Variants in HECW1 observed in about 807,000 individuals in gnomAD.
The protein encoded by HECW1 is E3 ubiquitin-protein ligase HECW1.
In HECW1, 61 loss-of-function variants were observed where a neutral mutation model predicts 182.3. The ratio of observed to expected loss-of-function variants is 0.33; its 90% confidence interval spans 0.27 to 0.41. The LOEUF is 0.41. Ranked by LOEUF, HECW1 falls within the 10% of genes least tolerant of loss-of-function variation. The probability of loss-of-function intolerance (pLI) is 1.00; values close to 1 mark genes in which losing one functional copy is unlikely to be tolerated. For synonymous variants in HECW1, 859 were observed against 832.6 expected, an observed-to-expected ratio of 1.03 and a Z score of -0.55; for missense variants, 1,739 against 2,108.9, an observed-to-expected ratio of 0.82 and a Z score of 3.44.
Position 43,130,412 on chromosome 7 carries a change from T to C in HECW1, c.-32+16021T>C, listed in dbSNP as rs112070451. On this transcript the variant is annotated intron_variant, in intron 2 of 29. Coordinates refer to ENST00000395891, the MANE Select transcript of HECW1 (RefSeq NM_015052.5). ...TTTGATAATTTTATACATGATACAGTCTGTGTACATTGAACCGTCAGAAAG... is the reference window on the plus strand; with the variant it reads ...TTTGATAATTTTATACATGATACAGCCTGTGTACATTGAACCGTCAGAAAG... 5.6e-3 allele frequency among the ~76,000 whole-genome samples: 855 copies of C among 152,306 alleles called. 9 individuals carry two copies. The highest frequency in any genetic ancestry group is 0.019 in the African/African-American group (797 of 41,570).
intron 21 of HECW1, among the ~76,000 whole-genome samples, chr7:43,506,831 C>T (rs929407113): frequency 2.6e-5 from 4 of 152,258 alleles, no homozygotes; most frequent in African/African-American, 7.2e-5. Context: ...CTTTGGGAGG[C>T]CAAGGCGGGT....
chr7:43,222,826 G>A (rs1161932568), intron 2 of HECW1, among the ~76,000 whole-genome samples: 1 of 151,990 alleles, frequency 6.6e-6, no homozygotes, highest in Non-Finnish European at 1.5e-5. Flanking sequence ...CAGGGCTCAG[G>A]GCTGTGATCT....
At chr7:43,531,788 A>G (rs1414316631) in intron 24 of HECW1, among the ~76,000 whole-genome samples, 1 of 152,140 alleles carries the variant, frequency 6.6e-6, no homozygotes, top group African/African-American at 2.4e-5. Context: ...CTGTTCCTCC[A>G]GCCTCGCCAC....
chr7:43,205,879 G>A (rs144509442), intron 2 of HECW1, among the ~76,000 whole-genome samples: 32 of 152,250 alleles, frequency 2.1e-4, no homozygotes, highest in East Asian at 7.7e-4. Flanking sequence ...CAGTGCAGGC[G>A]GCTGGGGGCC....
chr7:43,368,656 C>T lies in HECW1; in HGVS notation c.555+7676C>T, dbSNP rs539479478. On this transcript the variant is annotated intron_variant, in intron 6 of 29. Coordinates refer to ENST00000395891, the MANE Select transcript of HECW1 (RefSeq NM_015052.5). ...AAGTTTAGATTCTATCCTAGCCCAA[C>T]ATTAAGGAATCTGTTCAGTTTGAGG... 2.0e-5 allele frequency among the ~76,000 whole-genome samples: 3 copies of T among 152,300 alleles called. No homozygotes were observed. The South Asian group carries it at 6.2e-4, about 32-fold the overall frequency.
intron 29 of HECW1, among the ~76,000 whole-genome samples, chr7:43,561,203 C>T (rs1262968423): frequency 6.6e-5 from 10 of 152,216 alleles, no homozygotes; most frequent in Non-Finnish European, 1.5e-4. Context: ...CAAGCTAGAA[C>T]CCCGGGCGCC....
intron 17 of HECW1, among the ~76,000 whole-genome samples, chr7:43,488,889 C>T (rs2078825759): frequency 6.6e-6 from 1 of 152,202 alleles, no homozygotes; most frequent in African/African-American, 2.4e-5. Context: ...TCATATTAGG[C>T]ATGAAGAATG....
chr7:43,213,135 CATG>C (rs1211360961), intron 2 of HECW1, among the ~76,000 whole-genome samples: 2 of 151,932 alleles, frequency 1.3e-5, no homozygotes, highest in Admixed American at 6.6e-5. Flanking sequence ...CCTGATAAGG[CATG>C]ATAAGTCTTT....
intron 2 of HECW1, chr7:43,147,713 G>A (rs181407389): frequency 7.0e-4 from 106 of 152,096 alleles, no homozygotes; most frequent in African/African-American, 2.5e-3. Flanking sequence ...TCCAGTAATG[G>A]CCCTTGATGG....
At position 43,424,853 on chromosome 7, in the gene HECW1, T is replaced by A. The variant is rs547246527; in HGVS notation, c.802-13150T>A. 6.6e-5 allele frequency among the ~76,000 whole-genome samples: 10 copies of A among 152,328 alleles called. No individual in the cohort carries two copies. The South Asian group carries it at 1.0e-3, about 16-fold the overall frequency. On this transcript the variant is annotated intron_variant, in intron 8 of 29. Transcript: ENST00000395891. ...AATCCCACATTTTCTGGGATTTTTT[T>A]AAAATTTTAAGCCCAGAATGGGAGC... is the stretch of plus-strand genomic sequence containing the variant.
intron 8 of HECW1, among the ~76,000 whole-genome samples, chr7:43,422,726 T>G (rs941297133): frequency 2.0e-5 from 3 of 152,170 alleles, no homozygotes; most frequent in African/African-American, 7.2e-5. Context: ...ACTGGTAGAT[T>G]GTTTACCAGA....
At chr7:43,273,250 G>A (rs1359965471) in intron 3 of HECW1, among the ~76,000 whole-genome samples, 2 of 151,982 alleles carry the variant, frequency 1.3e-5, no homozygotes, top group African/African-American at 2.4e-5. Flanking sequence ...ACAGGAACAC[G>A]TGTACCCCAA....
chr7:43,316,349 A>G (rs963128486), intron 4 of HECW1, among the ~76,000 whole-genome samples: 1 of 152,182 alleles, frequency 6.6e-6, no homozygotes, highest in African/African-American at 2.4e-5. Context: ...GCTTCAAGTT[A>G]TTATTAATGG....
chr7:43,373,177 C>T (rs2074183084), intron 6 of HECW1, among the ~76,000 whole-genome samples: 3 of 139,784 alleles, frequency 2.1e-5, no homozygotes, highest in Non-Finnish European at 3.2e-5. Context: ...TGCCCATGCA[C>T]GTTGGTGTCG....
rs533418048 is a variant in HECW1, at chr7:43,381,912, C to A, written c.556-14902C>A. 6.6e-5 allele frequency among the ~76,000 whole-genome samples: 10 copies of A among 152,234 alleles called. No individual in the cohort carries two copies. The South Asian group carries it at 1.9e-3, about 28-fold the overall frequency. ...CTCCTGGCCTCAAGCAGTCCTCCTG[C>A]CTTGGCCTCCCAGAGTGCTCTGATT... On this transcript the variant is annotated intron_variant, in intron 6 of 29. Coordinates refer to ENST00000395891, the MANE Select transcript of HECW1 (RefSeq NM_015052.5).
chr7:43,202,631 G>A (rs1242479756), intron 2 of HECW1, among the ~76,000 whole-genome samples: 5 of 151,782 alleles, frequency 3.3e-5, no homozygotes, highest in Non-Finnish European at 7.4e-5. Context: ...CTGCCACCAC[G>A]CCCAGCTAAT....
intron 13 of HECW1, 96 bp from the exon 14 acceptor site, chr7:43,463,564 A>G (rs1563011561): frequency 3.4e-6 from 4 of 1,191,682 alleles, no homozygotes. Context: ...ATTCAAGACA[A>G]TTCTTTACAG....
At chr7:43,461,768 G>A (rs928282478) in intron 13 of HECW1, among the ~76,000 whole-genome samples, 1 of 152,110 alleles carries the variant, frequency 6.6e-6, no homozygotes, top group Non-Finnish European at 1.5e-5. Context: ...TCCACATTTT[G>A]TTCTAAGAGG....
chr7:43,502,480 G>C (rs1388841336), intron 21 of HECW1, among the ~76,000 whole-genome samples: 1 of 152,128 alleles, frequency 6.6e-6, no homozygotes. Context: ...CATATAGTGA[G>C]ACCTCATCTC....
Sources: gnomAD v4.1 joint callset for allele counts (sites outside exome capture counted in the v4.1 genomes callset) on GRCh38, gnomAD v4.1.1 for gene constraint, MANE v1.5 for transcripts, NCBI Gene and HGNC (gene_info 2026-07-23, HGNC 2026-07-21) for gene names.